Variants in SLIT3 observed in about 807,000 individuals in gnomAD.
SLIT3 encodes the protein slit homolog 3 protein.
A neutral mutation model predicts 184.0 loss-of-function variants in SLIT3; 68 were observed. The observed-to-expected ratio is 0.37, with a 90% CI of 0.30 to 0.45. The LOEUF (loss-of-function observed/expected upper bound fraction) is 0.45. Ranked by LOEUF, SLIT3 falls within the 20% of genes least tolerant of loss-of-function variation. The pLI is 1.00. For missense variants in SLIT3, 1,707 were observed against 2,026.0 expected (o/e 0.84, Z 3.02); for synonymous variants, 831 against 828.6 (o/e 1.00, Z -0.05).
chr5:168,927,033 C>A (rs1346408080), intron 4 of SLIT3, among the ~76,000 whole-genome samples: 1 of 152,114 alleles, frequency 6.6e-6, no homozygotes, highest in Non-Finnish European at 1.5e-5. Context: ...GTATATACCC[C>A]CCTAAATTGA....
At chr5:169,186,556 T>G (rs1420238478) in intron 4 of SLIT3, among the ~76,000 whole-genome samples, 3 of 152,318 alleles carry the variant, frequency 2.0e-5, no homozygotes, top group African/African-American at 7.2e-5. Context: ...GTGAGGTCAC[T>G]TGCCCAGGGT....
intron 4 of SLIT3, among the ~76,000 whole-genome samples, chr5:169,153,229 C>A (rs1218509753): frequency 6.6e-6 from 1 of 152,106 alleles, no homozygotes; most frequent in Non-Finnish European, 1.5e-5. Context: ...AGGAGGAATC[C>A]TCAGCCCCAC....
intron 4 of SLIT3, among the ~76,000 whole-genome samples, chr5:168,966,054 T>C (rs1260708488): frequency 1.3e-5 from 2 of 152,212 alleles, no homozygotes; most frequent in African/African-American, 4.8e-5. Context: ...AGAGATGCTA[T>C]ATTGATTATG....
chr5:168,883,538 G>T (rs1760040254), intron 4 of SLIT3, among the ~76,000 whole-genome samples: 1 of 152,240 alleles, frequency 6.6e-6, no homozygotes, highest in Admixed American at 6.5e-5. Context: ...ATGGTTACCA[G>T]GCGGAGCAGC....
intron 4 of SLIT3, among the ~76,000 whole-genome samples, chr5:168,986,554 C>T (rs1755138211): frequency 6.6e-6 from 1 of 152,150 alleles, no homozygotes; most frequent in African/African-American, 2.4e-5. Flanking sequence ...TCCATCCCAC[C>T]CCTGCACGCT....
chr5:169,118,468 G>A (rs1760769913), intron 4 of SLIT3, among the ~76,000 whole-genome samples: 1 of 152,204 alleles, frequency 6.6e-6, no homozygotes, highest in African/African-American at 2.4e-5. Context: ...GAAAGGCCAG[G>A]TGAGACCAAG....
intron 5 of SLIT3, among the ~76,000 whole-genome samples, chr5:168,869,611 T>C (rs1185681054): frequency 6.6e-6 from 1 of 152,188 alleles, no homozygotes; most frequent in Admixed American, 6.5e-5. Context: ...AATTATGGGC[T>C]TTAGAAGTTA....
chr5:169,042,738 C>G (rs111334248), intron 4 of SLIT3, among the ~76,000 whole-genome samples: 3 of 152,044 alleles, frequency 2.0e-5, no homozygotes, highest in African/African-American at 7.2e-5. Context: ...ATTGCCAACC[C>G]GAGAATCAAA....
intron 4 of SLIT3, among the ~76,000 whole-genome samples, chr5:168,920,291 C>T (rs940333346): frequency 2.0e-5 from 3 of 152,142 alleles, no homozygotes; most frequent in Admixed American, 6.5e-5. Context: ...AGATTTTTAG[C>T]GAGCTGGAGC....
intron 3 of SLIT3, among the ~76,000 whole-genome samples, chr5:169,204,854 C>T (rs770494925): frequency 1.1e-4 from 17 of 152,130 alleles, no homozygotes; most frequent in Non-Finnish European, 2.1e-4. Flanking sequence ...GGAGGGTTGC[C>T]GGGCGGCAGC....
At chr5:168,788,402 A>T (rs977126538) in intron 11 of SLIT3, among the ~76,000 whole-genome samples, 26 of 152,324 alleles carry the variant, frequency 1.7e-4, no homozygotes, top group Admixed American at 1.7e-3. Flanking sequence ...GAATATGTGC[A>T]TCTGGTTACC....
chr5:168,775,519 G>A (rs969556774), intron 12 of SLIT3, among the ~76,000 whole-genome samples: 1 of 147,854 alleles, frequency 6.8e-6, no homozygotes, highest in Non-Finnish European at 1.5e-5. Flanking sequence ...CTCCATTATC[G>A]TCTCTCACAC....
chr5:168,748,945 G>T (rs1311581209), intron 19 of SLIT3, among the ~76,000 whole-genome samples: 2 of 152,162 alleles, frequency 1.3e-5, no homozygotes, highest in Non-Finnish European at 2.9e-5. Flanking sequence ...GGGATCCTGA[G>T]AACCAAAGCC....
At chr5:168,770,940 CTG>C (rs1755530343) in intron 14 of SLIT3, among the ~76,000 whole-genome samples, 1 of 151,188 alleles carries the variant, frequency 6.6e-6, no homozygotes, top group Admixed American at 6.6e-5. Flanking sequence ...ATTGCCAAGA[CTG>C]TGTTCCTGGG....
At chr5:168,758,337 C>T (rs75369189) in intron 16 of SLIT3, among the ~76,000 whole-genome samples, 3,858 of 152,272 alleles carry the variant, frequency 0.025, 184 homozygotes, top group African/African-American at 0.088. Context: ...TGGGAGAGTA[C>T]GTATTTCTTC....
chr5:168,911,148 G>A (rs902524532), intron 4 of SLIT3, among the ~76,000 whole-genome samples: 32 of 152,038 alleles, frequency 2.1e-4, no homozygotes, highest in Admixed American at 2.1e-3. Flanking sequence ...AACATCCCAA[G>A]ACAAATACTG....
At position 169,106,586 on chromosome 5, in the gene SLIT3, C is replaced by T. The variant is rs78016056; in HGVS notation, c.413+86893G>A. ...AGTCTAACCCTCATCATCCCTGATG[C>T]TTCACCATCTCCGACATCCTCCTCA... is the stretch of plus-strand genomic sequence containing the variant. On this transcript the variant is annotated intron_variant, in intron 4 of 35. Transcript: ENST00000519560. Among the ~76,000 whole-genome samples the T allele has an allele frequency of 7.3e-3, 1,116 of 152,300 alleles. 20 individuals are homozygous for T. The highest frequency in any genetic ancestry group is 0.026 in the African/African-American group (1,074 of 41,562).
At position 168,662,659 on chromosome 5, in the gene SLIT3, C is replaced by T. The variant is rs1469152966; in HGVS notation, c.*3795G>A. Reference sequence around the variant, plus strand: ...TTACATTTAAGGTTTTTAGTTTACACTTTACAAAGAACTTTTAAATACATA... The same window carrying T: ...TTACATTTAAGGTTTTTAGTTTACATTTTACAAAGAACTTTTAAATACATA... On this transcript the variant is annotated 3_prime_UTR_variant, in exon 36 of 36. Transcript: ENST00000519560. 3 of 152,236 alleles carry T rather than the reference C, an allele frequency of 2.0e-5. No homozygotes were observed. Among genetic ancestry groups the T allele is most frequent in the South Asian group, 4.1e-4 (2 of 4,836 alleles). The allele number at this position is 152,236 out of a possible 1,614,324, so 9.4% of individuals were successfully genotyped here. A position where few individuals can be genotyped will look rare whatever the true frequency, so the allele number is the denominator to read the frequency against.
chr5:169,216,895 T>G (rs1477367132), intron 3 of SLIT3, among the ~76,000 whole-genome samples: 2 of 152,152 alleles, frequency 1.3e-5, no homozygotes, highest in African/African-American at 4.8e-5. Context: ...GGGAGATGCG[T>G]GGCTCGGATG....
Sources: allele counts gnomAD v4.1 joint callset (sites outside exome capture counted in the v4.1 genomes callset), GRCh38; gene constraint gnomAD v4.1.1; transcripts MANE v1.5; gene names NCBI Gene and HGNC (gene_info 2026-07-23, HGNC 2026-07-21).